Variants in TGM2 observed in about 807,000 individuals in gnomAD.
TGM2 encodes the protein protein-glutamine gamma-glutamyltransferase 2.
TGM2 carries 53 observed loss-of-function variants against 75.6 expected under a neutral mutation model. That is an observed-to-expected ratio of 0.70 (90% confidence interval 0.56 to 0.88). The LOEUF (loss-of-function observed/expected upper bound fraction) is 0.88. Ranked by LOEUF, TGM2 falls within the 40% of genes least tolerant of loss-of-function variation. The probability of loss-of-function intolerance (pLI) is 0.00; values close to 1 mark genes in which losing one functional copy is unlikely to be tolerated. For missense variants in TGM2, 842 were observed against 928.5 expected, an observed-to-expected ratio of 0.91 and a Z score of 1.21; for synonymous variants, 374 against 381.1, an observed-to-expected ratio of 0.98 and a Z score of 0.22.
intron 11 of TGM2, 60 bp downstream of exon 11, chr20:38,132,279 CT>C: frequency 6.3e-7 from 1 of 1,587,084 alleles, no homozygotes; most frequent in African/African-American, 1.3e-5. Context: ...GGGTAGGGAT[CT>C]GCCCTCTCCC....
At chr20:38,157,312 G>A (rs2075200282) in intron 2 of TGM2, among the ~76,000 whole-genome samples, 1 of 151,862 alleles carries the variant, frequency 6.6e-6, no homozygotes, top group Non-Finnish European at 1.5e-5. Flanking sequence ...CTCAGGCCCT[G>A]TCCAAGTGCC....
chr20:38,150,915 G>A (rs1339117448), intron 4 of TGM2, 24 bp downstream of exon 4: 2 of 1,558,352 alleles, frequency 1.3e-6, no homozygotes, highest in Non-Finnish European at 1.8e-6. Context: ...GAGATGGTTG[G>A]GAGAGACAGG....
At chr20:38,164,649 G>A (rs2075291229) in intron 1 of TGM2, among the ~76,000 whole-genome samples, 1 of 152,066 alleles carries the variant, frequency 6.6e-6, no homozygotes, top group Admixed American at 6.6e-5. Context: ...CTCAACAATT[G>A]GCCAAGGTCT....
intron 10 of TGM2, chr20:38,133,526 G>A (rs1028534439): frequency 2.0e-5 from 3 of 152,752 alleles, no homozygotes; most frequent in African/African-American, 7.2e-5. Context: ...AGAACACTGA[G>A]GCTGGAGGAC....
In TGM2 at chr20:38,131,124, C is replaced by T. The variant is rs745849200; in HGVS notation, c.1882G>A (p.Gly628Ser). Residue 628 changes from glycine to serine, a missense_variant, in exon 12 of 13, where the codon GGC (glycine) becomes AGC (serine). Gly to Ser is a moderately conservative substitution (Grantham distance 56). Coordinates refer to ENST00000361475, the MANE Select transcript of TGM2 (RefSeq NM_004613.4). ...EGCTFTVEGA[G>S]LTEEQKTVEI... The stretch of plus-strand genomic sequence containing the variant: ...ACCGTCTTCTGCTCCTCAGTCAGGC[C>T]GGCCCCCTCCACAGTGAAGGTGCAG... 5.0e-6 allele frequency: 8 copies of T among 1,613,366 alleles called. No individual in the cohort carries two copies. Among genetic ancestry groups the T allele is most frequent in the East Asian group, 4.5e-5 (2 of 44,872 alleles).
At chr20:38,135,404 TACACACACACAC>T (rs111420640) in intron 10 of TGM2, among the ~76,000 whole-genome samples, 2 of 147,314 alleles carry the variant, frequency 1.4e-5, no homozygotes, top group Admixed American at 6.8e-5. Flanking sequence ...CCTAAATGTA[TACACACACACAC>T]ACACACACAC....
chr20:38,142,003 G>A, intron 7 of TGM2, 61 bp downstream of exon 7: 2 of 1,605,834 alleles, frequency 1.2e-6, no homozygotes, highest in Non-Finnish European at 1.7e-6. Context: ...AGCCCTCCAA[G>A]GTTTCCTCTC....
At chr20:38,146,944 C>T in intron 5 of TGM2, 50 bp from the exon 6 acceptor site, 1 of 1,582,092 alleles carries the variant, frequency 6.3e-7, no homozygotes, top group Non-Finnish European at 8.6e-7. Context: ...GGGGTGTCGG[C>T]TGTGCCGCCT....
rs564084380 is a variant in TGM2, at chr20:38,144,198, G to A, written c.860-1999C>T. On this transcript the variant is annotated intron_variant, in intron 6 of 12. Transcript: ENST00000361475. ...TCTAACAGGAGGCTGCCCCAGCACC[G>A]TGCACACCTGGATCAGAGACTGACC... Among the ~76,000 whole-genome samples the A allele has an allele frequency of 4.6e-5, 7 of 152,322 alleles. No individual in the cohort carries two copies. In the South Asian group the frequency reaches 8.3e-4, roughly 18 times the overall value.
intron 8 of TGM2, among the ~76,000 whole-genome samples, chr20:38,140,803 T>C (rs2074962687): frequency 2.0e-5 from 3 of 152,266 alleles, no homozygotes; most frequent in Non-Finnish European, 4.4e-5. Flanking sequence ...TGTAACGCTA[T>C]GTATTATATT....
intron 6 of TGM2, 37 bp downstream of exon 6, chr20:38,146,680 C>CCAGG (rs775006424): frequency 8.1e-6 from 13 of 1,612,002 alleles, no homozygotes; most frequent in Non-Finnish European, 1.1e-5. Flanking sequence ...GTGCCCCCTC[C>CCAGG]CAGGGCTCAT....
At chr20:38,167,034 TC>T (rs1206463093), upstream of TGM2, among the ~76,000 whole-genome samples, 2 of 152,120 alleles carry the variant, frequency 1.3e-5, no homozygotes, top group East Asian at 3.9e-4. Context: ...AAAGAATCCC[TC>T]CCTCACAGGC....
At chr20:38,143,644 GAAT>G in intron 6 of TGM2, among the ~76,000 whole-genome samples, 1 of 152,290 alleles carries the variant, frequency 6.6e-6, no homozygotes, top group Middle Eastern at 3.4e-3. Flanking sequence ...CTGGCAGACG[GAAT>G]TATGGGTGCT....
At chr20:38,145,134 G>C (rs2075029452) in intron 6 of TGM2, among the ~76,000 whole-genome samples, 1 of 152,202 alleles carries the variant, frequency 6.6e-6, no homozygotes, top group Non-Finnish European at 1.5e-5. Context: ...GGCAGTCCCA[G>C]GCAGAGAGGC....
intron 9 of TGM2, among the ~76,000 whole-genome samples, chr20:38,138,904 A>C (rs1015424342): frequency 1.3e-5 from 2 of 151,698 alleles, no homozygotes; most frequent in Admixed American, 1.3e-4. Context: ...GTGCATATCT[A>C]TTTATTCTAT....
At chr20:38,164,879 C>A (rs1442604322) in intron 1 of TGM2, among the ~76,000 whole-genome samples, 1 of 152,250 alleles carries the variant, frequency 6.6e-6, no homozygotes, top group East Asian at 1.9e-4. Context: ...CAGCTCCAGG[C>A]ACACATCAGA....
In TGM2 at chr20:38,146,754, A is replaced by C; in HGVS notation, c.822T>G (p.Tyr274Ter). The change falls in exon 6 of 13, where the codon TAT becomes TAG. Residue 274 changes from tyrosine to a stop codon, truncating the protein, a stop_gained. Transcript: ENST00000361475. LOFTEE classifies it high-confidence loss of function. Reference sequence around the variant, plus strand: ...CGGCGGCGAAGACCCAGCACTGGCCATACTTGACGCGCTGGCAGCCGTGGT... The same window carrying C: ...CGGCGGCGAAGACCCAGCACTGGCCCTACTTGACGCGCTGGCAGCCGTGGT... ...WKNHGCQRVK[Y>*]GQCWVFAAVA... 1 of 1,613,800 alleles carries C rather than the reference A, an allele frequency of 6.2e-7. No homozygotes were observed. Among genetic ancestry groups the C allele is most frequent in the South Asian group, 1.1e-5 (1 of 91,076 alleles).
At chr20:38,155,304 G>A (rs2075170528) in intron 3 of TGM2, among the ~76,000 whole-genome samples, 2 of 152,018 alleles carry the variant, frequency 1.3e-5, no homozygotes, top group South Asian at 4.2e-4. Flanking sequence ...GAAGTCCCTT[G>A]GTAAATATGT....
At chr20:38,146,511 T>C (rs1367186463) in intron 6 of TGM2, 2 of 702,146 alleles carry the variant, frequency 2.8e-6, no homozygotes, top group Non-Finnish European at 5.1e-6. Context: ...GTCTCTCCAA[T>C]GATAGCCCTT....
Sources: allele counts gnomAD v4.1 joint callset (sites outside exome capture counted in the v4.1 genomes callset), GRCh38; gene constraint gnomAD v4.1.1; transcripts MANE v1.5; gene names NCBI Gene and HGNC (gene_info 2026-07-23, HGNC 2026-07-21).